The following NNMT variants were observed in gnomAD, a reference collection of about 807,000 sequenced individuals.
NNMT encodes nicotinamide N-methyltransferase.
In NNMT, 10 loss-of-function variants were observed where a neutral mutation model predicts 11.7. The observed-to-expected ratio is 0.85, with a 90% CI of 0.53 to 1.45. The LOEUF is 1.45. Ranked by LOEUF, NNMT falls within the 40% of genes most tolerant of loss-of-function variation. The pLI is 0.00. For synonymous variants in NNMT, 143 were observed against 133.8 expected (o/e 1.07, Z -0.48); for missense variants, 381 against 319.4 (o/e 1.19, Z -1.47).
chr11:114,302,167 G>A (rs1031574266), intron 2 of NNMT, among the ~76,000 whole-genome samples: 1 of 152,014 alleles, frequency 6.6e-6, no homozygotes, highest in South Asian at 2.1e-4. Flanking sequence ...TAATATTACA[G>A]GGTTGAATTT....
At chr11:114,309,676 G>GT (rs1312988180) in intron 2 of NNMT, among the ~76,000 whole-genome samples, 4 of 152,070 alleles carry the variant, frequency 2.6e-5, no homozygotes, top group Non-Finnish European at 5.9e-5. Flanking sequence ...AAATTCAGTA[G>GT]TTTTTAGTAT....
At chr11:114,270,432 A>G (rs1945160950) in intron 2 of NNMT, 2 of 152,188 alleles carry the variant, frequency 1.3e-5, no homozygotes, top group African/African-American at 2.4e-5. Flanking sequence ...CAATGCTTTG[A>G]TGGTTGTTTC....
upstream of NNMT, among the ~76,000 whole-genome samples, chr11:114,291,617 C>T (rs1319989100): frequency 6.6e-6 from 1 of 152,176 alleles, no homozygotes; most frequent in East Asian, 1.9e-4. Context: ...CACGGCTCAT[C>T]TCTGCGGTGG....
upstream of NNMT, among the ~76,000 whole-genome samples, chr11:114,295,484 G>A (rs1430289747): frequency 2.1e-5 from 3 of 146,158 alleles, no homozygotes; most frequent in African/African-American, 7.7e-5. Context: ...GAGTGCAGTG[G>A]CGCCATCTTG....
Position 114,312,217 on chromosome 11 carries a change from G to C in NNMT, c.535G>C (p.Ala179Pro), listed in dbSNP as rs1945557485. 3 of 1,614,052 alleles carry C rather than the reference G, an allele frequency of 1.9e-6. No individual in the cohort carries two copies. In the South Asian group the frequency reaches 3.3e-5, roughly 18 times the overall value. Reference protein sequence around the residue: ...ACPDLPTYCRALRNLGSLLKP... With the variant: ...ACPDLPTYCRPLRNLGSLLKP... The stretch of plus-strand genomic sequence containing the variant: ...CCCAGACCTCCCCACCTACTGCAGG[G>C]CGCTCAGGAACCTCGGCAGCCTACT... Residue 179 changes from alanine (A) to proline (P), a missense_variant, in exon 3 of 3, where the codon GCG becomes CCG. Physicochemically the swap from Ala to Pro is conservative, Grantham distance 27. Coordinates refer to ENST00000299964, the MANE Select transcript of NNMT (RefSeq NM_006169.3).
intron 2 of NNMT, among the ~76,000 whole-genome samples, chr11:114,298,516 T>A (rs1945406887): frequency 6.6e-6 from 1 of 152,174 alleles, no homozygotes; most frequent in African/African-American, 2.4e-5. Context: ...CTAACCCAGC[T>A]TCTCACCAGC....
chr11:114,281,155 C>G (rs1945259829), intron 2 of NNMT, among the ~76,000 whole-genome samples: 1 of 152,152 alleles, frequency 6.6e-6, no homozygotes, highest in Non-Finnish European at 1.5e-5. Flanking sequence ...TCCAGCCTCT[C>G]TCTGCTGTAG....
upstream of NNMT, among the ~76,000 whole-genome samples, chr11:114,291,522 T>C (rs529043061): frequency 4.6e-5 from 7 of 152,294 alleles, no homozygotes; most frequent in African/African-American, 9.6e-5. Context: ...TTTTGTTTTG[T>C]TTTGTTTCTG....
At chr11:114,275,153 T>C (rs1190621593) in intron 2 of NNMT, among the ~76,000 whole-genome samples, 1 of 152,184 alleles carries the variant, frequency 6.6e-6, no homozygotes, top group Admixed American at 6.5e-5. Context: ...TAATACACTA[T>C]TGAAGAGCTG....
chr11:114,283,278 G>T (rs1355923367), intron 2 of NNMT, among the ~76,000 whole-genome samples: 1 of 152,176 alleles, frequency 6.6e-6, no homozygotes, highest in Admixed American at 6.5e-5. Flanking sequence ...TCTGCTCCTG[G>T]GGGTGTGGAT....
chr11:114,284,520 G>T (rs562997796), intron 2 of NNMT, among the ~76,000 whole-genome samples: 23 of 152,304 alleles, frequency 1.5e-4, no homozygotes, highest in African/African-American at 5.1e-4. Flanking sequence ...CTGGAGTGCA[G>T]TGGTGCTATC....
At chr11:114,286,423 G>GGTTACAGAACTTTGCC (rs1373120989) in intron 2 of NNMT, among the ~76,000 whole-genome samples, 3 of 152,146 alleles carry the variant, frequency 2.0e-5, no homozygotes, top group Non-Finnish European at 4.4e-5. Flanking sequence ...GTCCTCCCCA[G>GGTTACAGAACTTTGCC]TCACCCACAG....
chr11:114,265,000 T>C (rs1239852043), intron 2 of NNMT, among the ~76,000 whole-genome samples: 1 of 152,124 alleles, frequency 6.6e-6, no homozygotes, highest in Non-Finnish European at 1.5e-5. Flanking sequence ...CATGATTGAT[T>C]AAGTTACTGG....
At position 114,289,616 on chromosome 11, in the gene NNMT, G is replaced by A. The variant is rs138522992; in HGVS notation, c.-129-6812G>A. ...TTATGATTTCTTCTTTGACCCATAGGTTGTTTGTTTCTTTATTTCCAAACA... is the reference window on the plus strand; with the variant it reads ...TTATGATTTCTTCTTTGACCCATAGATTGTTTGTTTCTTTATTTCCAAACA... On this transcript the variant is annotated intron_variant, in intron 2 of 4. Coordinates refer to the NNMT transcript ENST00000535401. 7.4e-3 allele frequency among the ~76,000 whole-genome samples: 1,129 copies of A among 152,110 alleles called. 37 individuals are homozygous for A. Among genetic ancestry groups the A allele is most frequent in the Admixed American group, 0.062 (942 of 15,270 alleles).
At chr11:114,273,967 T>G (rs561006238) in intron 2 of NNMT, among the ~76,000 whole-genome samples, 31 of 152,260 alleles carry the variant, frequency 2.0e-4, no homozygotes, top group African/African-American at 7.2e-4. Flanking sequence ...AACAGGTAAT[T>G]TACAGTGGTC....
intron 2 of NNMT, among the ~76,000 whole-genome samples, chr11:114,288,410 G>A (rs780196806): frequency 1.3e-5 from 2 of 150,382 alleles, no homozygotes; most frequent in Non-Finnish European, 3.0e-5. Context: ...GATTGTTTTT[G>A]TTGTGAATGG....
chr11:114,297,837 G>C lies in NNMT; in HGVS notation c.155-114G>C, dbSNP rs893119544. On this transcript the variant is annotated intron_variant, in intron 1 of 2. Transcript: ENST00000299964. ...TTTGAGGGAAAAGTTGTGAACAGTA[G>C]TGGTCTGTCTTTGAGGATCGCCAGC... 6 of 863,660 alleles carry C rather than the reference G, an allele frequency of 6.9e-6. No homozygotes were observed. In the East Asian group the frequency reaches 1.5e-4, roughly 21 times the overall value. 53.5% of individuals were successfully genotyped at this position (863,660 alleles called of 1,614,324 possible). A position where few individuals can be genotyped will look rare whatever the true frequency, so the allele number is the denominator to read the frequency against.
upstream of NNMT, among the ~76,000 whole-genome samples, chr11:114,292,673 A>G (rs1254699005): frequency 6.6e-6 from 1 of 152,140 alleles, no homozygotes. Flanking sequence ...TTATTTACTT[A>G]TAACAAACAT....
intron 2 of NNMT, among the ~76,000 whole-genome samples, chr11:114,281,861 A>G (rs1287102593): frequency 2.6e-5 from 4 of 152,172 alleles, no homozygotes. Flanking sequence ...GCTTTCTGGC[A>G]GGCCTTTTTC....
Sources: gnomAD v4.1 joint callset for allele counts (sites outside exome capture counted in the v4.1 genomes callset) on GRCh38, gnomAD v4.1.1 for gene constraint, MANE v1.5 for transcripts, NCBI Gene and HGNC (gene_info 2026-07-23, HGNC 2026-07-21) for gene names.